KCTD13: variants seen among roughly 807,000 people sequenced by gnomAD.
The protein encoded by KCTD13 is potassium channel tetramerization domain containing 13.
Under a neutral mutation model 32.3 loss-of-function variants are expected in KCTD13, and 15 were observed. The observed-to-expected ratio is 0.46, with a 90% CI of 0.31 to 0.71. The LOEUF is 0.71. Ranked by LOEUF, KCTD13 falls within the 30% of genes least tolerant of loss-of-function variation. The probability of loss-of-function intolerance (pLI) is 0.05; values close to 1 mark genes in which losing one functional copy is unlikely to be tolerated. For synonymous variants in KCTD13, 189 were observed against 200.1 expected (o/e 0.94, Z 0.47); for missense variants, 337 against 452.6 (o/e 0.74, Z 2.32).
In KCTD13 at chr16:29,926,159, G is replaced by C; in HGVS notation, c.-126C>G. 1 of 1,138,994 alleles carries C rather than the reference G, an allele frequency of 8.8e-7. No homozygotes were observed. Among genetic ancestry groups the C allele is most frequent in the Non-Finnish European group, 1.2e-6 (1 of 854,520 alleles). The allele number at this position is 1,138,994 out of a possible 1,614,324, so 70.6% of individuals were successfully genotyped here. A position where few individuals can be genotyped will look rare whatever the true frequency, so the allele number is the denominator to read the frequency against. On this transcript the variant is annotated 5_prime_UTR_variant, in exon 1 of 6. Coordinates refer to ENST00000568000, the MANE Select transcript of KCTD13 (RefSeq NM_178863.5). ...TCGGCGCACACGCCCACTCACCGCAGCTACTCTGCAAGACCGGCCCTCCGC... is the reference window on the plus strand; with the variant it reads ...TCGGCGCACACGCCCACTCACCGCACCTACTCTGCAAGACCGGCCCTCCGC...
chr16:29,922,179 A>C (rs2150844909), intron 2 of KCTD13: 1 of 152,276 alleles, frequency 6.6e-6, no homozygotes, highest in South Asian at 2.1e-4. Context: ...GAGTACTAAA[A>C]TGCATTTTTT....
intron 2 of KCTD13, chr16:29,922,890 CG>C: frequency 2.3e-6 from 1 of 443,472 alleles, no homozygotes; most frequent in Non-Finnish European, 4.0e-6. Context: ...GAGAATAGAT[CG>C]GGGTTGTGCT....
chr16:29,913,143 T>TTTTA (rs1218669719), intron 2 of KCTD13: 1 of 144,986 alleles, frequency 6.9e-6, no homozygotes, highest in Non-Finnish European at 1.5e-5. Context: ...TTTTTTTTTT[T>TTTTA]GAGACAGGGT....
rs374722372 is a variant in KCTD13, at chr16:29,923,194, A to G, written c.410T>C (p.Leu137Pro). The change falls in exon 2 of 6, where the codon CTG becomes CCG. Residue 137 changes from leucine (L) to proline (P), a missense_variant. Coordinates refer to ENST00000568000, the MANE Select transcript of KCTD13 (RefSeq NM_178863.5). ...QGLIEDCQLA[L>P]QQKRETLSPL... ...GGGGACTCCGAAGGCCCTCACCTGCAGCGCCAGCTGGCAGTCCTCAATCAG... is the reference window on the plus strand; with the variant it reads ...GGGGACTCCGAAGGCCCTCACCTGCGGCGCCAGCTGGCAGTCCTCAATCAG... 1 of 1,614,054 alleles carries G rather than the reference A, an allele frequency of 6.2e-7. No homozygotes were observed. Among genetic ancestry groups the G allele is most frequent in the Non-Finnish European group, 8.5e-7 (1 of 1,180,008 alleles).
intron 2 of KCTD13, among the ~76,000 whole-genome samples, chr16:29,916,015 G>A (rs2150839634): frequency 6.6e-6 from 1 of 152,022 alleles, no homozygotes; most frequent in East Asian, 1.9e-4. Context: ...TAAGCAGCAA[G>A]AAGCCAGGTG....
At chr16:29,922,506 T>C (rs2068931433) in intron 2 of KCTD13, 1 of 152,962 alleles carries the variant, frequency 6.5e-6, no homozygotes, top group African/African-American at 2.4e-5. Flanking sequence ...GAGGTAGGAA[T>C]GGACTCACTG....
At chr16:29,919,941 G>A (rs2150842988) in intron 2 of KCTD13, 1 of 152,226 alleles carries the variant, frequency 6.6e-6, no homozygotes, top group Non-Finnish European at 1.5e-5. Context: ...GACATTCTAA[G>A]AAAAAATATT....
At chr16:29,908,797 G>C (rs1045116938) in intron 5 of KCTD13, among the ~76,000 whole-genome samples, 8 of 151,758 alleles carry the variant, frequency 5.3e-5, no homozygotes, top group African/African-American at 1.9e-4. Flanking sequence ...CAACCTCCCG[G>C]GCTCAAGTGA....
chr16:29,911,061 A>G lies in KCTD13; in HGVS notation c.670T>C (p.Trp224Arg), dbSNP rs2068699100. ...TTGCGGCCCTGCCCGTAGAAAGACCAGCAGCAGATCTCGTCCCCCAGGACA... is the reference window on the plus strand; with the variant it reads ...TTGCGGCCCTGCCCGTAGAAAGACCGGCAGCAGATCTCGTCCCCCAGGACA... ...KDVLGDEICC[W>R]SFYGQGRKIA... Residue 224 changes from tryptophan to arginine, a missense_variant, in exon 5 of 6, where the codon TGG (tryptophan) becomes CGG (arginine). This residue lies in a region of KCTD13 where 252 missense variants were observed against 340.2 expected (regional missense o/e 0.74). Coordinates refer to ENST00000568000, the MANE Select transcript of KCTD13 (RefSeq NM_178863.5). 6.2e-7 allele frequency: 1 copy of G among 1,614,108 alleles called. No individual in the cohort carries two copies. The highest frequency in any genetic ancestry group is 1.3e-5 in the African/African-American group (1 of 74,942).
chr16:29,914,769 A>C (rs2068780400), intron 2 of KCTD13: 1 of 152,232 alleles, frequency 6.6e-6, no homozygotes, highest in Non-Finnish European at 1.5e-5. Context: ...CTGTGAGCTA[A>C]AGAGACAGGT....
intron 5 of KCTD13, among the ~76,000 whole-genome samples, chr16:29,910,120 C>T (rs1011829567): frequency 2.0e-5 from 3 of 148,658 alleles, no homozygotes; most frequent in African/African-American, 7.4e-5. Context: ...AAAAAATAGG[C>T]TGGGGGCAGT....
intron 2 of KCTD13, among the ~76,000 whole-genome samples, chr16:29,917,811 C>T (rs558808820): frequency 6.6e-6 from 1 of 151,526 alleles, no homozygotes; most frequent in South Asian, 2.1e-4. Context: ...AGCCAGGTGT[C>T]ATGGTGCACG....
intron 1 of KCTD13, 122 bp from the exon 2 acceptor site, chr16:29,923,481 T>G (rs2068947698): frequency 2.5e-6 from 2 of 796,288 alleles, no homozygotes; most frequent in South Asian, 3.7e-5. Flanking sequence ...GGTCTTGAAC[T>G]CCTGGGCTCA....
intron 1 of KCTD13, 58 bp downstream of exon 1, chr16:29,925,732 T>A: frequency 7.0e-7 from 1 of 1,432,070 alleles, no homozygotes; most frequent in Non-Finnish European, 9.3e-7. Flanking sequence ...GGTGAGAGAC[T>A]GCGGGGAACG....
rs141048674 is a variant in KCTD13 at position 29,912,035 on chromosome 16, C to A, written c.429G>T (p.Thr143=). The A allele has an allele frequency of 6.2e-7, 1 of 1,607,334 alleles. No homozygotes were observed. Among genetic ancestry groups the A allele is most frequent in the Non-Finnish European group, 8.5e-7 (1 of 1,176,802 alleles). ...CQLALQQKRE[T]LSPLCLIPMV... ...TGGGGATGAGGCACAGCGGGGACAG[C>A]GTCTCCCTTTTTTGCTGGGGAAGAA... Residue 143 remains threonine, a synonymous_variant, in exon 3 of 6, where the codon ACG becomes ACT. Coordinates refer to ENST00000568000, the MANE Select transcript of KCTD13 (RefSeq NM_178863.5).
At chr16:29,911,461 T>TA in intron 4 of KCTD13, 1 of 559,836 alleles carries the variant, frequency 1.8e-6, no homozygotes, top group Non-Finnish European at 3.2e-6. Flanking sequence ...TGGGTGACAC[T>TA]AGGCAAGTTA....
At chr16:29,921,737 A>G (rs943271475) in intron 2 of KCTD13, 1 of 152,168 alleles carries the variant, frequency 6.6e-6, no homozygotes, top group Non-Finnish European at 1.5e-5. Flanking sequence ...TGGGGGGCCA[A>G]GGCGGATGGA....
At chr16:29,921,814 AC>A (rs1178125526) in intron 2 of KCTD13, 1 of 152,184 alleles carries the variant, frequency 6.6e-6, no homozygotes, top group Non-Finnish European at 1.5e-5. Flanking sequence ...TACTAAAAAT[AC>A]AAAAAAGTAG....
intron 5 of KCTD13, 42 bp from the exon 6 acceptor site, chr16:29,907,150 A>G: frequency 7.0e-7 from 1 of 1,432,066 alleles, no homozygotes; most frequent in Non-Finnish European, 9.7e-7. Flanking sequence ...CTTCTGGTGC[A>G]GTCACGCAGG....
Sources: gnomAD v4.1 joint callset for allele counts (sites outside exome capture counted in the v4.1 genomes callset) on GRCh38, gnomAD v4.1.1 for gene constraint, gnomAD v4.1.1 regional missense constraint, MANE v1.5 for transcripts, NCBI Gene and HGNC (gene_info 2026-07-23, HGNC 2026-07-21) for gene names.